SYNPR: variants seen among roughly 807,000 people sequenced by gnomAD.
SYNPR encodes the protein synaptoporin.
SYNPR carries 23 observed loss-of-function variants against 32.9 expected under a neutral mutation model. That is an observed-to-expected ratio of 0.70 (90% CI 0.50 to 0.99). SYNPR has a LOEUF of 0.99. Among genes scored for constraint, SYNPR ranks in the 50% least tolerant of loss-of-function variants. SYNPR has a pLI of 0.00. For synonymous variants in SYNPR, 146 were observed against 135.9 expected, an observed-to-expected ratio of 1.07 and a Z score of -0.52; for missense variants, 318 against 349.3, an observed-to-expected ratio of 0.91 and a Z score of 0.71.
At chr3:63,319,789 G>T (rs1395723227) in intron 2 of SYNPR, among the ~76,000 whole-genome samples, 1 of 151,786 alleles carries the variant, frequency 6.6e-6, no homozygotes, top group Non-Finnish European at 1.5e-5. Context: ...AATTTAAAAA[G>T]AAATTGTCTA....
chr3:63,422,046 C>A (rs1699809760), intron 2 of SYNPR, among the ~76,000 whole-genome samples: 1 of 152,158 alleles, frequency 6.6e-6, no homozygotes, highest in African/African-American at 2.4e-5. Context: ...GAACTCTTCC[C>A]CTTTGCCACA....
intron 3 of SYNPR, among the ~76,000 whole-genome samples, chr3:63,515,174 T>C (rs1431345569): frequency 6.6e-6 from 1 of 152,108 alleles, no homozygotes; most frequent in African/African-American, 2.4e-5. Flanking sequence ...ATCTTTTCAA[T>C]TTATGCTTTT....
At chr3:63,261,711 T>TATA (rs60616720) in intron 2 of SYNPR, among the ~76,000 whole-genome samples, 1,463 of 145,616 alleles carry the variant, frequency 0.01, 14 homozygotes, top group East Asian at 0.057. Flanking sequence ...AAACTTAAAG[T>TATA]ATAATAATAA....
intron 2 of SYNPR, among the ~76,000 whole-genome samples, chr3:63,425,026 G>A (rs965452016): frequency 2.0e-5 from 3 of 152,172 alleles, no homozygotes; most frequent in African/African-American, 7.2e-5. Flanking sequence ...TGTTAGCAGG[G>A]AGGAGGGGAA....
At chr3:63,337,973 T>C (rs947065462) in intron 2 of SYNPR, among the ~76,000 whole-genome samples, 1 of 151,986 alleles carries the variant, frequency 6.6e-6, no homozygotes, top group Non-Finnish European at 1.5e-5. Flanking sequence ...AAATGAACCA[T>C]GCAGCACAAA....
chr3:63,509,280 A>ATG (rs1323956482), intron 3 of SYNPR, among the ~76,000 whole-genome samples: 1 of 84,842 alleles, frequency 1.2e-5, no homozygotes, highest in Non-Finnish European at 2.2e-5. Context: ...AGTTATATAT[A>ATG]TGTGTGTGTA....
intron 3 of SYNPR, among the ~76,000 whole-genome samples, chr3:63,516,034 T>C (rs1014062395): frequency 7.9e-5 from 12 of 152,048 alleles, no homozygotes; most frequent in African/African-American, 2.7e-4. Context: ...ACATTCTTTA[T>C]GCACAGTCAT....
chr3:63,453,896 A>C (rs1486264359), intron 2 of SYNPR, among the ~76,000 whole-genome samples: 1 of 152,204 alleles, frequency 6.6e-6, no homozygotes, highest in African/African-American at 2.4e-5. Context: ...GTTATTCAAC[A>C]TAAAGAGATT....
At chr3:63,571,104 G>C (rs796247365) in intron 4 of SYNPR, among the ~76,000 whole-genome samples, 1 of 152,086 alleles carries the variant, frequency 6.6e-6, no homozygotes, top group Non-Finnish European at 1.5e-5. Flanking sequence ...TCAAGACCAC[G>C]CCTCATCTCA....
chr3:63,613,613 A>AAC (rs1575737901), intron 5 of SYNPR, among the ~76,000 whole-genome samples: 2 of 61,398 alleles, frequency 3.3e-5, no homozygotes, highest in East Asian at 5.7e-4. Context: ...GCTGCAGCAA[A>AAC]AAAAAAAAAA....
chr3:63,370,221 A>G (rs1453477098), intron 2 of SYNPR, among the ~76,000 whole-genome samples: 1 of 152,100 alleles, frequency 6.6e-6, no homozygotes, highest in Non-Finnish European at 1.5e-5. Flanking sequence ...AAGCTTCCCT[A>G]GGGGAGGCAG....
At chr3:63,231,979 A>G (rs184607497) in intron 1 of SYNPR, among the ~76,000 whole-genome samples, 20 of 152,262 alleles carry the variant, frequency 1.3e-4, no homozygotes, top group Admixed American at 7.2e-4. Context: ...TTGAGAAGCT[A>G]TATTTCTACC....
At chr3:63,217,445 A>C in the SYNPR span, among the ~76,000 whole-genome samples, 1 of 56,438 alleles carries the variant, frequency 1.8e-5, no homozygotes, top group Admixed American at 2.0e-4. Flanking sequence ...GAAAAGCGAA[A>C]TATTTGGGTG....
At chr3:63,358,376 T>C (rs111443092) in intron 2 of SYNPR, among the ~76,000 whole-genome samples, 3 of 152,248 alleles carry the variant, frequency 2.0e-5, no homozygotes, top group African/African-American at 7.2e-5. Context: ...CTTCCTTGCA[T>C]GGCTCCAATC....
intron 2 of SYNPR, among the ~76,000 whole-genome samples, chr3:63,420,105 T>G (rs2088588753): frequency 6.6e-6 from 1 of 152,162 alleles, no homozygotes; most frequent in Non-Finnish European, 1.5e-5. Flanking sequence ...AACATGATCA[T>G]GGATGAGAAG....
At chr3:63,292,078 T>C (rs1400992777) in intron 2 of SYNPR, among the ~76,000 whole-genome samples, 2 of 152,178 alleles carry the variant, frequency 1.3e-5, no homozygotes, top group African/African-American at 4.8e-5. Context: ...AACACAATGG[T>C]ATTTGTGTAT....
At chr3:63,387,497 C>T (rs1436912384) in intron 2 of SYNPR, among the ~76,000 whole-genome samples, 1 of 152,154 alleles carries the variant, frequency 6.6e-6, no homozygotes, top group Admixed American at 6.6e-5. Flanking sequence ...AACCTTAGCA[C>T]CATTATGATC....
intron 3 of SYNPR, among the ~76,000 whole-genome samples, chr3:63,547,985 C>T (rs894648402): frequency 8.5e-5 from 13 of 152,126 alleles, no homozygotes; most frequent in African/African-American, 2.9e-4. Context: ...AGTGAAATCA[C>T]CATCATCATT....
chr3:63,292,076 G>A (rs2086746106), intron 2 of SYNPR, among the ~76,000 whole-genome samples: 1 of 152,018 alleles, frequency 6.6e-6, no homozygotes, highest in Admixed American at 6.6e-5. Flanking sequence ...GTAACACAAT[G>A]GTATTTGTGT....
Sources: gnomAD v4.1 joint callset for allele counts (sites outside exome capture counted in the v4.1 genomes callset) on GRCh38, gnomAD v4.1.1 for gene constraint, MANE v1.5 for transcripts, NCBI Gene and HGNC (gene_info 2026-07-23, HGNC 2026-07-21) for gene names.